CATSPER3: variants seen among roughly 807,000 people sequenced by gnomAD.
The protein encoded by CATSPER3 is cation channel sperm-associated protein 3.
A neutral mutation model predicts 36.6 loss-of-function variants in CATSPER3; 23 were observed. That is an observed-to-expected ratio of 0.63 (90% CI 0.45 to 0.89). CATSPER3 has a LOEUF of 0.89. CATSPER3 is among the 40% of genes least tolerant of loss of function. CATSPER3 has a pLI of 0.00. For synonymous variants in CATSPER3, 172 were observed against 184.1 expected, an observed-to-expected ratio of 0.93 and a Z score of 0.53; for missense variants, 474 against 503.9, an observed-to-expected ratio of 0.94 and a Z score of 0.57.
rs1377796419 is a variant in CATSPER3, at chr5:134,982,724, A to T, written c.252+12632A>T. Among the ~76,000 whole-genome samples the T allele has an allele frequency of 2.0e-5, 3 of 152,202 alleles. No individual in the cohort carries two copies. The East Asian group carries it at 5.8e-4, about 29-fold the overall frequency. On this transcript the variant is annotated intron_variant, in intron 2 of 7. Coordinates refer to ENST00000282611, the MANE Select transcript of CATSPER3 (RefSeq NM_178019.3). ...TGTTTTGTAGGTGGAAATGAACAAGACAGTAACTTGAACTCATACAAAGAA... is the reference window on the plus strand; with the variant it reads ...TGTTTTGTAGGTGGAAATGAACAAGTCAGTAACTTGAACTCATACAAAGAA...
intron 1 of CATSPER3, chr5:134,968,959 C>T (rs563778468): frequency 3.3e-5 from 5 of 152,104 alleles, no homozygotes; most frequent in Non-Finnish European, 7.4e-5. Flanking sequence ...TAATTTTGAA[C>T]AGAGAATTTT....
chr5:135,009,247 C>A, intron 5 of CATSPER3, 124 bp from the exon 6 acceptor site: 1 of 1,096,084 alleles, frequency 9.1e-7, no homozygotes, highest in Non-Finnish European at 1.4e-6. Context: ...GGCGGCTGGC[C>A]CTGTGTGGGG....
intron 3 of CATSPER3, among the ~76,000 whole-genome samples, chr5:135,006,786 C>T (rs1393870315): frequency 6.9e-6 from 1 of 145,576 alleles, no homozygotes; most frequent in African/African-American, 2.7e-5. Flanking sequence ...TGCAGTGAGC[C>T]GAGATTGCGC....
rs1161620116 is a variant in CATSPER3 at position 134,996,316 on chromosome 5, C to A, written c.296C>A (p.Ser99Tyr). 1.2e-6 allele frequency: 2 copies of A among 1,614,172 alleles called. No individual in the cohort carries two copies. The highest frequency in any genetic ancestry group is 2.7e-5 in the African/African-American group (2 of 75,058). The stretch of plus-strand genomic sequence containing the variant: ...GTGTCCATCTGCACATCTGAGTTGT[C>A]CATGAAGGTCTATGTGGACCCCATC... Reference protein sequence around the residue: ...FFVSICTSELSMKVYVDPINY... With the variant: ...FFVSICTSELYMKVYVDPINY... Residue 99 changes from serine (S) to tyrosine (Y), a missense_variant, in exon 3 of 8, where the codon TCC becomes TAC. By Grantham distance (144) the Ser-to-Tyr change is moderately radical. Transcript: ENST00000282611.
chr5:134,983,729 A>C (rs187775805), intron 2 of CATSPER3, among the ~76,000 whole-genome samples: 38 of 152,344 alleles, frequency 2.5e-4, no homozygotes, highest in Non-Finnish European at 4.0e-4. Context: ...TTCATCAGGA[A>C]GATAAAACAA....
At chr5:134,996,038 C>T (rs1751941046) in intron 2 of CATSPER3, among the ~76,000 whole-genome samples, 1 of 152,214 alleles carries the variant, frequency 6.6e-6, no homozygotes, top group African/African-American at 2.4e-5. Context: ...CAGTCATTCC[C>T]AAGTACCCAG....
At chr5:134,970,161 G>C in intron 2 of CATSPER3, 69 bp downstream of exon 2, 1 of 1,474,382 alleles carries the variant, frequency 6.8e-7, no homozygotes, top group Non-Finnish European at 9.4e-7. Flanking sequence ...AACATTATAA[G>C]ATTTTTTTTT....
At chr5:135,007,808 A>AC in intron 3 of CATSPER3, 149 bp from the exon 4 acceptor site, 6 of 85,506 alleles carry the variant, frequency 7.0e-5, no homozygotes, top group Non-Finnish European at 1.1e-4. Context: ...CAACCAACCC[A>AC]CCCACCCACC....
At chr5:134,984,636 G>A (rs1330694191) in intron 2 of CATSPER3, among the ~76,000 whole-genome samples, 4 of 152,164 alleles carry the variant, frequency 2.6e-5, no homozygotes, top group African/African-American at 9.7e-5. Flanking sequence ...TGTTGGTGTG[G>A]TTGTGGTGAA....
At chr5:134,992,136 G>T (rs1259330336) in intron 2 of CATSPER3, among the ~76,000 whole-genome samples, 2 of 147,366 alleles carry the variant, frequency 1.4e-5, no homozygotes, top group African/African-American at 5.0e-5. Context: ...AAAAAAAAAA[G>T]TGAAAAGACA....
chr5:134,985,295 A>C (rs1371975340), intron 2 of CATSPER3, among the ~76,000 whole-genome samples: 1 of 152,180 alleles, frequency 6.6e-6, no homozygotes. Flanking sequence ...ATGGAATTGG[A>C]GGGTATTATT....
intron 2 of CATSPER3, among the ~76,000 whole-genome samples, chr5:134,970,568 A>AT (rs35264342): frequency 0.42 from 51,983 of 124,206 alleles, 11,350 homozygotes; most frequent in Middle Eastern, 0.5. Flanking sequence ...GACATGGTGG[A>AT]TTTTTTTTTT....
intron 2 of CATSPER3, among the ~76,000 whole-genome samples, chr5:134,971,087 T>A (rs1326985979): frequency 6.6e-6 from 1 of 151,818 alleles, no homozygotes; most frequent in South Asian, 2.1e-4. Context: ...GTAGCTGGGA[T>A]TACAGGCGCC....
At chr5:134,997,470 C>T (rs1259512088) in intron 3 of CATSPER3, among the ~76,000 whole-genome samples, 1 of 152,126 alleles carries the variant, frequency 6.6e-6, no homozygotes, top group African/African-American at 2.4e-5. Context: ...TCTGTACTTC[C>T]AGTCCCACTT....
At chr5:135,009,326 A>C in intron 5 of CATSPER3, 45 bp from the exon 6 acceptor site, 1 of 1,603,300 alleles carries the variant, frequency 6.2e-7, no homozygotes, top group Non-Finnish European at 8.5e-7. Context: ...GGGTCTGGGC[A>C]TGTAGCGAGA....
chr5:134,986,616 C>T (rs7726894), intron 2 of CATSPER3, among the ~76,000 whole-genome samples: 18 of 151,752 alleles, frequency 1.2e-4, no homozygotes, highest in Non-Finnish European at 2.1e-4. Flanking sequence ...TGCATGCCAC[C>T]GCGCCCAGCT....
chr5:135,010,776 A>G (rs2149554462), intron 7 of CATSPER3, among the ~76,000 whole-genome samples: 1 of 152,288 alleles, frequency 6.6e-6, no homozygotes, highest in East Asian at 1.9e-4. Context: ...ACTTGTATGT[A>G]AATGCCAGCT....
intron 2 of CATSPER3, among the ~76,000 whole-genome samples, chr5:134,979,025 T>C (rs1751716448): frequency 6.6e-6 from 1 of 151,996 alleles, no homozygotes; most frequent in Non-Finnish European, 1.5e-5. Flanking sequence ...CCCAGCCAGT[T>C]TTGTTATATT....
At chr5:134,979,952 C>G (rs1247921137) in intron 2 of CATSPER3, among the ~76,000 whole-genome samples, 1 of 139,588 alleles carries the variant, frequency 7.2e-6, no homozygotes, top group Non-Finnish European at 1.6e-5. Context: ...ATTTCCCACC[C>G]TTCCCTCCCT....
Sources: gnomAD v4.1 joint callset for allele counts (sites outside exome capture counted in the v4.1 genomes callset) on GRCh38, gnomAD v4.1.1 for gene constraint, MANE v1.5 for transcripts, NCBI Gene and HGNC (gene_info 2026-07-23, HGNC 2026-07-21) for gene names.